The following MEGF9 variants were observed in gnomAD, a reference collection of about 807,000 sequenced individuals.
MEGF9 encodes the protein multiple EGF like domains 9, also known as multiple epidermal growth factor-like domains protein 9.
In MEGF9, 6 loss-of-function variants were observed where a neutral mutation model predicts 46.8. The observed-to-expected ratio is 0.13, with a 90% CI of 0.07 to 0.25. MEGF9 has a LOEUF of 0.25. Among genes scored for constraint, MEGF9 ranks in the 10% least tolerant of loss-of-function variants. The probability of loss-of-function intolerance (pLI) is 1.00; values close to 1 mark genes in which losing one functional copy is unlikely to be tolerated. For missense variants in MEGF9, 683 were observed against 792.4 expected, an observed-to-expected ratio of 0.86 and a Z score of 1.66; for synonymous variants, 302 against 330.7, an observed-to-expected ratio of 0.91 and a Z score of 0.94.
At chr9:120,706,217 C>A (rs2043928365) in intron 1 of MEGF9, among the ~76,000 whole-genome samples, 1 of 152,032 alleles carries the variant, frequency 6.6e-6, no homozygotes, top group Non-Finnish European at 1.5e-5. Context: ...TTTTAGGGGT[C>A]TTTTTTAAAA....
At chr9:120,607,070 C>CA (rs1173863203) in intron 5 of MEGF9, among the ~76,000 whole-genome samples, 2 of 152,116 alleles carry the variant, frequency 1.3e-5, no homozygotes, top group East Asian at 3.9e-4. Flanking sequence ...TGCCATAGAC[C>CA]AACTGTTCAT....
At chr9:120,685,408 C>CA (rs1392235675) in intron 1 of MEGF9, among the ~76,000 whole-genome samples, 1 of 152,202 alleles carries the variant, frequency 6.6e-6, no homozygotes, top group East Asian at 1.9e-4. Flanking sequence ...AATAATATAT[C>CA]AAAAAAGAAA....
intron 4 of MEGF9, among the ~76,000 whole-genome samples, chr9:120,608,615 T>C (rs2043430652): frequency 6.6e-6 from 1 of 152,150 alleles, no homozygotes. Context: ...CTAGTCTACA[T>C]CTCTGTCCTA....
chr9:120,671,444 T>C (rs1288825252), intron 1 of MEGF9, among the ~76,000 whole-genome samples: 1 of 152,178 alleles, frequency 6.6e-6, no homozygotes, highest in Non-Finnish European at 1.5e-5. Context: ...TTTCAGACAC[T>C]AATATGAAGA....
chr9:120,630,808 A>G (rs1330847829), intron 2 of MEGF9, among the ~76,000 whole-genome samples: 1 of 152,178 alleles, frequency 6.6e-6, no homozygotes, highest in East Asian at 1.9e-4. Context: ...AGAAATGTTA[A>G]TTCAGCTCCT....
chr9:120,693,215 A>G (rs769448894), intron 1 of MEGF9, among the ~76,000 whole-genome samples: 43 of 151,642 alleles, frequency 2.8e-4, no homozygotes, highest in Non-Finnish European at 3.1e-4. Flanking sequence ...AGCACTGTTA[A>G]AGACCAATTT....
At chr9:120,611,742 G>C (rs2043446065) in intron 4 of MEGF9, among the ~76,000 whole-genome samples, 1 of 151,326 alleles carries the variant, frequency 6.6e-6, no homozygotes, top group African/African-American at 2.4e-5. Flanking sequence ...TAAATTGTAT[G>C]AAATGTGAAT....
intron 3 of MEGF9, among the ~76,000 whole-genome samples, chr9:120,615,820 G>C (rs1304147667): frequency 1.3e-5 from 2 of 152,102 alleles, no homozygotes; most frequent in Non-Finnish European, 2.9e-5. Flanking sequence ...CTTGAGTCTG[G>C]AAGGTTGAGG....
chr9:120,667,400 T>C (rs1438689668), intron 1 of MEGF9, among the ~76,000 whole-genome samples: 1 of 152,214 alleles, frequency 6.6e-6, no homozygotes, highest in Non-Finnish European at 1.5e-5. Context: ...TGCTCCCATG[T>C]ACAATGAGGG....
chr9:120,619,281 A>T (rs1204425310), intron 3 of MEGF9, among the ~76,000 whole-genome samples: 2 of 152,204 alleles, frequency 1.3e-5, no homozygotes, highest in Admixed American at 1.3e-4. Flanking sequence ...CAGGAGGTGG[A>T]GGTTGCAGTG....
chr9:120,623,211 T>C (rs1486506981), intron 2 of MEGF9, among the ~76,000 whole-genome samples: 1 of 152,232 alleles, frequency 6.6e-6, no homozygotes, highest in African/African-American at 2.4e-5. Context: ...CCCACCATAC[T>C]ATCTACTCCT....
chr9:120,698,789 T>G (rs1297977528), intron 1 of MEGF9, among the ~76,000 whole-genome samples: 2 of 152,198 alleles, frequency 1.3e-5, no homozygotes, highest in South Asian at 2.1e-4. Context: ...CTATGATTCA[T>G]TACTGCTTGG....
At chr9:120,674,434 C>G (rs1437459540) in intron 1 of MEGF9, among the ~76,000 whole-genome samples, 7 of 152,196 alleles carry the variant, frequency 4.6e-5, no homozygotes, top group Non-Finnish European at 1.5e-5. Flanking sequence ...AAATGACATA[C>G]TACTACACAT....
intron 1 of MEGF9, among the ~76,000 whole-genome samples, chr9:120,706,046 T>C (rs1469545583): frequency 1.3e-5 from 2 of 152,190 alleles, no homozygotes; most frequent in African/African-American, 4.8e-5. Flanking sequence ...TTCTGCTCTA[T>C]TAAGTACCCT....
intron 2 of MEGF9, among the ~76,000 whole-genome samples, chr9:120,628,308 AG>A (rs1391111877): frequency 7.9e-5 from 12 of 152,146 alleles, no homozygotes; most frequent in Non-Finnish European, 1.6e-4. Flanking sequence ...GTTATGGAAA[AG>A]ATCATTATGC....
chr9:120,657,503 T>G (rs962890301), intron 2 of MEGF9, among the ~76,000 whole-genome samples: 2 of 152,248 alleles, frequency 1.3e-5, no homozygotes, highest in Non-Finnish European at 2.9e-5. Flanking sequence ...AATAAAGCAC[T>G]GGGCCTAGAA....
intron 1 of MEGF9, among the ~76,000 whole-genome samples, chr9:120,706,526 G>A (rs748674171): frequency 1.3e-5 from 2 of 152,126 alleles, no homozygotes; most frequent in Non-Finnish European, 2.9e-5. Context: ...ATTGTAAAAC[G>A]TTGTCAAACA....
At chr9:120,713,599 G>A (rs1488412406) in intron 1 of MEGF9, among the ~76,000 whole-genome samples, 159 bp downstream of exon 1, 1 of 152,170 alleles carries the variant, frequency 6.6e-6, no homozygotes, top group Non-Finnish European at 1.5e-5. Flanking sequence ...TTGATCGGGG[G>A]CGGGAGGGAG....
At chr9:120,622,313 C>T (rs1236256428) in intron 3 of MEGF9, among the ~76,000 whole-genome samples, 3 of 151,802 alleles carry the variant, frequency 2.0e-5, no homozygotes, top group Non-Finnish European at 2.9e-5. Flanking sequence ...AGCAAATGTC[C>T]CCTGGAAAGA....
Sources: gnomAD v4.1 joint callset for allele counts (sites outside exome capture counted in the v4.1 genomes callset) on GRCh38, gnomAD v4.1.1 for gene constraint, MANE v1.5 for transcripts, NCBI Gene and HGNC (gene_info 2026-07-23, HGNC 2026-07-21) for gene names.